ARHGAP39: variants seen among roughly 807,000 people sequenced by gnomAD.
ARHGAP39 encodes the protein rho GTPase-activating protein 39.
A neutral mutation model predicts 106.9 loss-of-function variants in ARHGAP39; 44 were observed. The observed-to-expected ratio is 0.41, with a 90% confidence interval of 0.32 to 0.53. ARHGAP39 has a LOEUF of 0.53. Ranked by LOEUF, ARHGAP39 falls within the 20% of genes least tolerant of loss-of-function variation. The probability of loss-of-function intolerance (pLI) is 0.21; values close to 1 mark genes in which losing one functional copy is unlikely to be tolerated. For missense variants in ARHGAP39, 1,496 were observed against 1,577.3 expected (o/e 0.95, Z 0.87); for synonymous variants, 768 against 693.2 (o/e 1.11, Z -1.69).
At position 144,679,012 on chromosome 8, in the gene ARHGAP39, C is replaced by G. The variant is rs1379175633; in HGVS notation, c.-82+6674G>C. Among the ~76,000 whole-genome samples the G allele has an allele frequency of 6.6e-6, 1 of 152,116 alleles. No individual in the cohort carries two copies. The highest frequency in any genetic ancestry group is 2.4e-5 in the African/African-American group (1 of 41,432). On this transcript the variant is annotated intron_variant, in intron 1 of 11. Transcript: ENST00000377307. This position sits in a 1 kb window ranked among gnomAD's most constrained non-coding sequence, Gnocchi z 4.7. Reference sequence around the variant, plus strand: ...GACCTGGAGCCGTACCACATGGCAGCTGAGAGGGGGACCCAGCACGCCAAA... The same window carrying G: ...GACCTGGAGCCGTACCACATGGCAGGTGAGAGGGGGACCCAGCACGCCAAA...
At chr8:144,629,934 G>A (rs1199769512) in intron 1 of ARHGAP39, among the ~76,000 whole-genome samples, 1 of 152,062 alleles carries the variant, frequency 6.6e-6, no homozygotes, top group Admixed American at 6.5e-5. Flanking sequence ...GCAGCACAAC[G>A]CAGGGGCAGG....
chr8:144,600,475 C>T (rs931703570), intron 2 of ARHGAP39, among the ~76,000 whole-genome samples: 3 of 128,116 alleles, frequency 2.3e-5, no homozygotes. Flanking sequence ...CCTGCGTGTG[C>T]ATCGAGGCGT....
At position 144,548,632 on chromosome 8, in the gene ARHGAP39, C is replaced by A; in HGVS notation, c.597-143G>T. ...GCTGGGGCCCTGTGGCCTGGCGCCC[C>A]TCACACCTGCCTTGCCCCAGCACCC... is the stretch of plus-strand genomic sequence containing the variant. On this transcript the variant is annotated intron_variant, in intron 4 of 11. Transcript: ENST00000377307. This position sits in a 1 kb window ranked among gnomAD's most constrained non-coding sequence, Gnocchi z 7.4. The A allele has an allele frequency of 8.4e-7, 1 of 1,194,252 alleles. No individual in the cohort carries two copies. Among genetic ancestry groups the A allele is most frequent in the Non-Finnish European group, 1.1e-6 (1 of 880,874 alleles). The allele number at this position is 1,194,252 out of a possible 1,614,324, so 74.0% of individuals were successfully genotyped here. A position where few individuals can be genotyped will look rare whatever the true frequency, so the allele number is the denominator to read the frequency against.
chr8:144,593,855 C>T (rs1819498241), intron 2 of ARHGAP39, among the ~76,000 whole-genome samples: 1 of 152,064 alleles, frequency 6.6e-6, no homozygotes, highest in Non-Finnish European at 1.5e-5. Context: ...TTTGAGAGGC[C>T]AAGGCAGGTG....
rs1028407241 is a variant in ARHGAP39 at position 144,644,606 on chromosome 8, C to T, written c.-81-38911G>A. Among the ~76,000 whole-genome samples the T allele has an allele frequency of 6.6e-6, 1 of 152,228 alleles. No homozygotes were observed. Among genetic ancestry groups the T allele is most frequent in the Admixed American group, 6.5e-5 (1 of 15,288 alleles). On this transcript the variant is annotated intron_variant, in intron 1 of 11. Coordinates refer to ENST00000377307, the MANE Select transcript of ARHGAP39 (RefSeq NM_025251.3). The surrounding 1 kb of genome is among the most constrained non-coding windows in gnomAD (Gnocchi z 4.8). The stretch of plus-strand genomic sequence containing the variant: ...TCGTGGCGGCACCCCTTCCGGCTTC[C>T]ACCATGCATTTCTGAGCTCTGAGTC...
chr8:144,551,815 G>C (rs1817702864), intron 4 of ARHGAP39, among the ~76,000 whole-genome samples: 1 of 152,196 alleles, frequency 6.6e-6, no homozygotes, highest in South Asian at 2.1e-4. Context: ...TGGCTCAGCT[G>C]CCCCTGCTGG....
At chr8:144,583,917 C>T (rs945419095) in intron 2 of ARHGAP39, 5 of 152,212 alleles carry the variant, frequency 3.3e-5, no homozygotes, top group Non-Finnish European at 5.9e-5. Context: ...CAATGTTTCC[C>T]TGAAGCATCT....
At chr8:144,664,612 G>C (rs112777165) in intron 1 of ARHGAP39, among the ~76,000 whole-genome samples, 1 of 152,202 alleles carries the variant, frequency 6.6e-6, no homozygotes, top group Admixed American at 6.5e-5. Flanking sequence ...AGGGACCCAG[G>C]AGGAGGTAAT....
chr8:144,602,345 GTATGCA>G (rs1820037788), intron 2 of ARHGAP39, among the ~76,000 whole-genome samples: 1 of 139,470 alleles, frequency 7.2e-6, no homozygotes, highest in African/African-American at 2.7e-5. Context: ...TCGTGTACCT[GTATGCA>G]TGTGCATGGA....
intron 1 of ARHGAP39, among the ~76,000 whole-genome samples, chr8:144,633,872 A>C (rs907804605): frequency 3.9e-5 from 6 of 152,232 alleles, no homozygotes; most frequent in African/African-American, 1.2e-4. Flanking sequence ...TTTAATCCAT[A>C]ATCAGCACAC....
At chr8:144,560,808 CAG>C (rs879492290) in intron 3 of ARHGAP39, among the ~76,000 whole-genome samples, 23 of 152,224 alleles carry the variant, frequency 1.5e-4, no homozygotes, top group Non-Finnish European at 3.4e-4. Context: ...CTCGTCACAA[CAG>C]ACTCAACTTA....
chr8:144,679,349 G>A lies in ARHGAP39; in HGVS notation c.-82+6337C>T, dbSNP rs1395294392. 1.3e-5 allele frequency among the ~76,000 whole-genome samples: 2 copies of A among 152,202 alleles called. No homozygotes were observed. Among genetic ancestry groups the A allele is most frequent in the Non-Finnish European group, 1.5e-5 (1 of 68,042 alleles). On this transcript the variant is annotated intron_variant, in intron 1 of 11. Coordinates refer to ENST00000377307, the MANE Select transcript of ARHGAP39 (RefSeq NM_025251.3). The surrounding 1 kb of genome is among the most constrained non-coding windows in gnomAD (Gnocchi z 4.7). ...GACCCTGAGATGCCAGTCCAGGATG[G>A]TGCCGGAAAAGACACTAGGTTTCTG...
chr8:144,637,772 C>T (rs1018046755), intron 1 of ARHGAP39, among the ~76,000 whole-genome samples: 1 of 152,002 alleles, frequency 6.6e-6, no homozygotes, highest in East Asian at 1.9e-4. Context: ...ACCATCATGC[C>T]TCACAGCAAC....
chr8:144,534,504 T>C (rs1298668847), intron 7 of ARHGAP39, among the ~76,000 whole-genome samples: 1 of 152,210 alleles, frequency 6.6e-6, no homozygotes, highest in Non-Finnish European at 1.5e-5. Context: ...TGAGGGCCTC[T>C]AGACCCCACT....
chr8:144,537,591 C>T, intron 7 of ARHGAP39, 130 bp downstream of exon 7: 1 of 831,130 alleles, frequency 1.2e-6, no homozygotes, highest in South Asian at 1.7e-5. Context: ...CTCAGGAGGC[C>T]ACAGGCCTGA....
rs536946260 is a variant in ARHGAP39 at position 144,602,474 on chromosome 8, C to T, written c.80+3061G>A. Among the ~76,000 whole-genome samples the T allele has an allele frequency of 1.3e-4, 13 of 98,422 alleles. No homozygotes were observed. In the East Asian group the frequency reaches 2.1e-3, roughly 16 times the overall value. 64.6% of individuals were successfully genotyped at this position (98,422 alleles called of 152,430 possible). Reference sequence around the variant, plus strand: ...GCGAGCTCGTGTACCTGTGCATGTGCGTGGTGTGTGCGCGAGCTCATGTAT... The same window carrying T: ...GCGAGCTCGTGTACCTGTGCATGTGTGTGGTGTGTGCGCGAGCTCATGTAT... On this transcript the variant is annotated intron_variant, in intron 2 of 11. Coordinates refer to ENST00000377307, the MANE Select transcript of ARHGAP39 (RefSeq NM_025251.3).
chr8:144,613,080 T>C (rs947967398), intron 1 of ARHGAP39, among the ~76,000 whole-genome samples: 12 of 152,256 alleles, frequency 7.9e-5, no homozygotes, highest in African/African-American at 2.9e-4. Flanking sequence ...ACATACATCT[T>C]TACTTTGTCA....
intron 1 of ARHGAP39, among the ~76,000 whole-genome samples, chr8:144,662,187 T>C (rs1029115787): frequency 2.0e-5 from 3 of 150,164 alleles, no homozygotes; most frequent in Middle Eastern, 3.3e-3. Context: ...CTTGGATCAC[T>C]CCACCCTCCC....
At chr8:144,581,498 TG>T (rs764141918) in intron 2 of ARHGAP39, among the ~76,000 whole-genome samples, 1 of 152,204 alleles carries the variant, frequency 6.6e-6, no homozygotes, top group Non-Finnish European at 1.5e-5. Flanking sequence ...TGCAGCCCTT[TG>T]GGGGGTCCTG....
Sources: gnomAD v4.1 joint callset for allele counts (sites outside exome capture counted in the v4.1 genomes callset) on GRCh38, gnomAD v4.1.1 for gene constraint, Gnocchi (gnomAD v3.1) non-coding constraint, MANE v1.5 for transcripts, NCBI Gene and HGNC (gene_info 2026-07-23, HGNC 2026-07-21) for gene names.